Variants in ZFHX3 observed in about 807,000 individuals in gnomAD.
The protein encoded by ZFHX3 is zinc finger homeobox protein 3.
Under a neutral mutation model 279.1 loss-of-function variants are expected in ZFHX3, and 42 were observed. The ratio of observed to expected loss-of-function variants is 0.15; its 90% confidence interval spans 0.12 to 0.19. ZFHX3 has a LOEUF of 0.19. ZFHX3 is among the 10% of genes least tolerant of loss of function. The probability of loss-of-function intolerance (pLI) is 1.00; values close to 1 mark genes in which losing one functional copy is unlikely to be tolerated. For synonymous variants in ZFHX3, 2,293 were observed against 1,957.8 expected (o/e 1.17, Z -4.52); for missense variants, 4,981 against 4,754.0 (o/e 1.05, Z -1.40).
chr16:73,095,685 C>T (rs1221481419), intron 7 of ZFHX3, among the ~76,000 whole-genome samples: 1 of 152,170 alleles, frequency 6.6e-6, no homozygotes, highest in Non-Finnish European at 1.5e-5. Context: ...TTCAATGATT[C>T]ATAAACATTG....
chr16:72,788,686 T>C lies in ZFHX3; in HGVS notation c.9590A>G (p.Gln3197Arg). 1.2e-6 allele frequency: 2 copies of C among 1,609,842 alleles called. No individual in the cohort carries two copies. Among genetic ancestry groups the C allele is most frequent in the Admixed American group, 1.7e-5 (1 of 59,674 alleles). ...TMAMGPQQPPQQQQQQQQPQV... is the reference protein window; with the variant it reads ...TMAMGPQQPPRQQQQQQQPQV... ...TGGTTGCTGCTGCTGCTGCTGCTGC[T>C]GGGGGGGTTGCTGAGGGCCCATCGC... Residue 3197 changes from glutamine to arginine, a missense_variant, in exon 10 of 10, where the codon CAG becomes CGG. By Grantham distance (43) the Gln-to-Arg change is conservative. This residue lies in a region of ZFHX3 where 1,034 missense variants were observed against 786.0 expected (regional missense o/e 1.32). Transcript: ENST00000268489.
intron 2 of ZFHX3, among the ~76,000 whole-genome samples, chr16:73,642,076 G>C (rs914789524): frequency 6.6e-6 from 1 of 152,172 alleles, no homozygotes; most frequent in Non-Finnish European, 1.5e-5. Context: ...GCTGCTTAAA[G>C]AGGGAAGGTG....
At chr16:72,862,251 C>T (rs1223063721) in intron 4 of ZFHX3, among the ~76,000 whole-genome samples, 1 of 152,180 alleles carries the variant, frequency 6.6e-6, no homozygotes, top group Non-Finnish European at 1.5e-5. Flanking sequence ...ATGCCACCCA[C>T]CTCAGCCCTC....
intron 4 of ZFHX3, among the ~76,000 whole-genome samples, chr16:72,883,094 G>A (rs1035962986): frequency 2.1e-5 from 3 of 144,022 alleles, no homozygotes; most frequent in Non-Finnish European, 3.0e-5. Context: ...TACTTAGGAT[G>A]GACTAAGACA....
chr16:73,666,212 A>G (rs1158054716), intron 2 of ZFHX3, among the ~76,000 whole-genome samples: 1 of 151,910 alleles, frequency 6.6e-6, no homozygotes, highest in African/African-American at 2.4e-5. Flanking sequence ...ATTGGTTTAA[A>G]GGATTTAAAT....
chr16:73,678,737 T>C (rs2052979589), intron 2 of ZFHX3, among the ~76,000 whole-genome samples: 1 of 152,164 alleles, frequency 6.6e-6, no homozygotes, highest in African/African-American at 2.4e-5. Flanking sequence ...CACAGAACTG[T>C]ATATATTCGC....
intron 5 of ZFHX3, among the ~76,000 whole-genome samples, chr16:73,212,928 G>A (rs1852520019): frequency 6.6e-6 from 1 of 152,200 alleles, no homozygotes; most frequent in Non-Finnish European, 1.5e-5. Context: ...TAATTGTATT[G>A]TTTAAAAAGT....
intron 2 of ZFHX3, among the ~76,000 whole-genome samples, chr16:73,594,448 G>A (rs1052765179): frequency 4.6e-5 from 7 of 152,176 alleles, no homozygotes; most frequent in Admixed American, 4.6e-4. Context: ...GCAAGCAATA[G>A]AGATTTTATT....
At chr16:72,991,942 A>T (rs1963110556) in intron 1 of ZFHX3, among the ~76,000 whole-genome samples, 1 of 152,224 alleles carries the variant, frequency 6.6e-6, no homozygotes, top group Admixed American at 6.5e-5. Context: ...GATGATGCTA[A>T]GGTGGGTATT....
intron 1 of ZFHX3, among the ~76,000 whole-genome samples, chr16:73,847,430 G>C (rs1961477460): frequency 1.3e-5 from 2 of 152,180 alleles, no homozygotes; most frequent in African/African-American, 4.8e-5. Flanking sequence ...AGGCTTGCTG[G>C]AGAACAGCAC....
At chr16:73,105,446 TATATATATA>T (rs1966291022) in intron 7 of ZFHX3, among the ~76,000 whole-genome samples, 3 of 98,114 alleles carry the variant, frequency 3.1e-5, no homozygotes, top group Admixed American at 9.2e-5. Context: ...CACACACACA[TATATATATA>T]TATTTTTTCC....
At chr16:73,574,118 T>G (rs1252016957) in intron 2 of ZFHX3, among the ~76,000 whole-genome samples, 2 of 152,236 alleles carry the variant, frequency 1.3e-5, no homozygotes, top group Non-Finnish European at 2.9e-5. Flanking sequence ...GACTTCTGTT[T>G]TCTTATCCCT....
At chr16:73,866,454 C>T (rs1471587808) in intron 1 of ZFHX3, among the ~76,000 whole-genome samples, 1 of 151,964 alleles carries the variant, frequency 6.6e-6, no homozygotes, top group African/African-American at 2.4e-5. Flanking sequence ...TGAGCCACCA[C>T]CCCCGGAAGA....
At chr16:73,812,383 G>C (rs565282015) in intron 1 of ZFHX3, among the ~76,000 whole-genome samples, 267 of 152,192 alleles carry the variant, frequency 1.8e-3, no homozygotes, top group African/African-American at 6.1e-3. Context: ...CCATTACACT[G>C]CTTGTCCTCC....
intron 3 of ZFHX3, among the ~76,000 whole-genome samples, chr16:73,355,711 C>T (rs1262128979): frequency 2.0e-5 from 3 of 152,208 alleles, no homozygotes; most frequent in African/African-American, 7.2e-5. Context: ...GCTCCCTCTG[C>T]TTAATATCTG....
intron 1 of ZFHX3, chr16:72,973,815 T>C (rs1962215998): frequency 1.3e-5 from 2 of 152,016 alleles, no homozygotes; most frequent in Admixed American, 6.6e-5. Context: ...GAGGTTGCAG[T>C]AAGCAGAGAT....
At chr16:72,969,683 G>A (rs956859800) in intron 1 of ZFHX3, among the ~76,000 whole-genome samples, 2 of 152,176 alleles carry the variant, frequency 1.3e-5, no homozygotes, top group East Asian at 1.9e-4. Flanking sequence ...AAGAGAAGGT[G>A]AAACCTCCTT....
chr16:73,385,059 C>T (rs978686801), intron 3 of ZFHX3, among the ~76,000 whole-genome samples: 2 of 152,070 alleles, frequency 1.3e-5, no homozygotes, highest in Admixed American at 6.6e-5. Context: ...CATTTCATGA[C>T]GCTAAGAAGG....
At chr16:73,314,820 A>C (rs1412139739) in intron 4 of ZFHX3, among the ~76,000 whole-genome samples, 3 of 152,268 alleles carry the variant, frequency 2.0e-5, no homozygotes, top group East Asian at 3.8e-4. Flanking sequence ...TGTTCAATTC[A>C]ACAGAGAAAG....
Sources: allele counts gnomAD v4.1 joint callset (sites outside exome capture counted in the v4.1 genomes callset), GRCh38; gene constraint gnomAD v4.1.1; regional missense constraint gnomAD v4.1.1; transcripts MANE v1.5; gene names NCBI Gene and HGNC (gene_info 2026-07-23, HGNC 2026-07-21).